Variants in LRP1B observed in about 807,000 individuals in gnomAD.
LRP1B encodes low-density lipoprotein receptor-related protein 1B.
A neutral mutation model predicts 556.6 loss-of-function variants in LRP1B; 217 were observed. The ratio of observed to expected loss-of-function variants is 0.39; its 90% confidence interval spans 0.35 to 0.44. The LOEUF is 0.44. LRP1B is among the 20% of genes least tolerant of loss of function. LRP1B has a pLI of 1.00. For missense variants in LRP1B, 5,053 were observed against 5,620.8 expected, an observed-to-expected ratio of 0.90 and a Z score of 3.23; for synonymous variants, 2,047 against 1,865.8, an observed-to-expected ratio of 1.10 and a Z score of -2.50.
At chr2:141,918,507 A>C (rs1700098100) in intron 1 of LRP1B, among the ~76,000 whole-genome samples, 1 of 152,100 alleles carries the variant, frequency 6.6e-6, no homozygotes, top group Non-Finnish European at 1.5e-5. Flanking sequence ...AAAATTAGAT[A>C]ACCTTCAAAT....
intron 3 of LRP1B, among the ~76,000 whole-genome samples, chr2:141,420,058 T>C (rs936559498): frequency 4.6e-5 from 7 of 152,220 alleles, no homozygotes; most frequent in Non-Finnish European, 7.3e-5. Flanking sequence ...AGCCCTCTGC[T>C]TCCTTATTGA....
chr2:141,862,924 A>G (rs915045287), intron 1 of LRP1B, among the ~76,000 whole-genome samples: 1 of 152,184 alleles, frequency 6.6e-6, no homozygotes, highest in Non-Finnish European at 1.5e-5. Context: ...GGCATTTATC[A>G]TTATCACCAT....
chr2:141,760,718 T>C (rs1317198197), intron 2 of LRP1B, among the ~76,000 whole-genome samples: 1 of 152,184 alleles, frequency 6.6e-6, no homozygotes, highest in Non-Finnish European at 1.5e-5. Flanking sequence ...CACTACGTGA[T>C]GGATTTATAT....
intron 1 of LRP1B, among the ~76,000 whole-genome samples, chr2:141,936,509 C>T (rs551959339): frequency 2.0e-5 from 3 of 152,140 alleles, no homozygotes; most frequent in Admixed American, 2.0e-4. Context: ...GGAGAGAGGC[C>T]GCCGAATAAA....
chr2:142,100,205 G>A lies in LRP1B; in HGVS notation c.82+30443C>T, dbSNP rs1223110540. Among the ~76,000 whole-genome samples, 3 of 151,938 alleles carry A rather than the reference G, an allele frequency of 2.0e-5. No homozygotes were observed. In the East Asian group the frequency reaches 5.8e-4, roughly 29 times the overall value. ...CGTTTGAAACCTGGAAGGAAGTGTA[G>A]GGTTTGTTGTTTATACAAGTAAGTG... On this transcript the variant is annotated intron_variant, in intron 1 of 90. Transcript: ENST00000389484.
At chr2:141,486,053 C>T (rs1234354607) in intron 2 of LRP1B, among the ~76,000 whole-genome samples, 2 of 152,066 alleles carry the variant, frequency 1.3e-5, no homozygotes, top group African/African-American at 4.8e-5. Flanking sequence ...GTATGGTAGT[C>T]CTCATGAGAA....
At chr2:140,386,057 A>G (rs767753375) in intron 66 of LRP1B, 48 bp from the exon 67 acceptor site, 3 of 1,188,998 alleles carry the variant, frequency 2.5e-6, no homozygotes, top group African/African-American at 1.5e-5. Context: ...CCATGAAGAC[A>G]TCCCTCACAA....
chr2:140,420,699 C>T (rs1379858409), intron 66 of LRP1B, among the ~76,000 whole-genome samples: 1 of 152,086 alleles, frequency 6.6e-6, no homozygotes, highest in Non-Finnish European at 1.5e-5. Flanking sequence ...TTTGATAGAT[C>T]CAGCAACAGG....
chr2:141,444,754 A>G (rs1559073833), intron 3 of LRP1B, among the ~76,000 whole-genome samples: 1 of 152,064 alleles, frequency 6.6e-6, no homozygotes, highest in Non-Finnish European at 1.5e-5. Context: ...TGTTAAACCA[A>G]CCTTGCATCC....
At chr2:141,403,189 GA>G (rs1227961758) in intron 3 of LRP1B, among the ~76,000 whole-genome samples, 5 of 152,014 alleles carry the variant, frequency 3.3e-5, no homozygotes, top group East Asian at 3.9e-4. Flanking sequence ...TGTAGTTGGG[GA>G]AAAAAATATC....
intron 2 of LRP1B, among the ~76,000 whole-genome samples, chr2:141,790,827 G>T (rs1695587151): frequency 6.6e-6 from 1 of 151,824 alleles, no homozygotes; most frequent in Non-Finnish European, 1.5e-5. Flanking sequence ...AGAAATTGGT[G>T]GTAATGAGTT....
At chr2:141,969,547 T>C (rs1349983259) in intron 1 of LRP1B, among the ~76,000 whole-genome samples, 1 of 151,708 alleles carries the variant, frequency 6.6e-6, no homozygotes, top group Non-Finnish European at 1.5e-5. Context: ...TCACTTATAA[T>C]GTTCACCAAT....
chr2:141,770,445 A>G (rs1306307484), intron 2 of LRP1B, among the ~76,000 whole-genome samples: 9 of 152,200 alleles, frequency 5.9e-5, no homozygotes, highest in Admixed American at 5.9e-4. Flanking sequence ...ATAATTGTGA[A>G]CTAATTTTGA....
At chr2:141,667,833 TG>T (rs1417905615) in intron 2 of LRP1B, among the ~76,000 whole-genome samples, 2 of 152,172 alleles carry the variant, frequency 1.3e-5, no homozygotes, top group Non-Finnish European at 2.9e-5. Context: ...TACCTGCACA[TG>T]GGAGGCATCT....
rs1689855517 is a variant in LRP1B, at chr2:140,515,477, C to A, written c.8150-705G>T. ...CCTCCATTCCCAGCCTCCCCTTCTA[C>A]CCAGTATATTTGTCACTAGAAAACC... is the stretch of plus-strand genomic sequence containing the variant. On this transcript the variant is annotated intron_variant, in intron 50 of 90. Coordinates refer to ENST00000389484, the MANE Select transcript of LRP1B (RefSeq NM_018557.3). Among the ~76,000 whole-genome samples, 6 of 152,080 alleles carry A rather than the reference C, an allele frequency of 3.9e-5. No individual in the cohort carries two copies. The South Asian group carries it at 1.2e-3, about 32-fold the overall frequency.
intron 1 of LRP1B, among the ~76,000 whole-genome samples, chr2:142,087,998 C>A (rs7566250): frequency 0.49 from 73,911 of 151,914 alleles, 18,420 homozygotes; most frequent in East Asian, 0.69. Context: ...ATGTACAGAG[C>A]ATGCAAATTA....
intron 23 of LRP1B, among the ~76,000 whole-genome samples, chr2:140,889,452 T>C (rs1693734779): frequency 6.6e-6 from 1 of 152,156 alleles, no homozygotes; most frequent in African/African-American, 2.4e-5. Context: ...TGTGCTACCA[T>C]ACCCAGTTAA....
chr2:141,372,033 T>C (rs370654585), intron 3 of LRP1B, among the ~76,000 whole-genome samples: 3 of 152,060 alleles, frequency 2.0e-5, no homozygotes, highest in African/African-American at 7.2e-5. Context: ...TGTTGAGTTA[T>C]GTTTCTTCTG....
intron 3 of LRP1B, among the ~76,000 whole-genome samples, chr2:141,294,642 A>C (rs893244256): frequency 1.3e-5 from 2 of 151,168 alleles, no homozygotes; most frequent in African/African-American, 2.4e-5. Flanking sequence ...TAAAAGGCTG[A>C]GGTGGGGGGA....
Sources: gnomAD v4.1 joint callset for allele counts (sites outside exome capture counted in the v4.1 genomes callset) on GRCh38, gnomAD v4.1.1 for gene constraint, MANE v1.5 for transcripts, NCBI Gene and HGNC (gene_info 2026-07-23, HGNC 2026-07-21) for gene names.